The following SNX29 variants were observed in gnomAD, a reference collection of about 807,000 sequenced individuals.
The protein encoded by SNX29 is sorting nexin 29, also known as sorting nexin-29.
In SNX29, 78 loss-of-function variants were observed where a neutral mutation model predicts 102.1. That is an observed-to-expected ratio of 0.76 (90% CI 0.64 to 0.92). The LOEUF (loss-of-function observed/expected upper bound fraction) is 0.92. Among genes scored for constraint, SNX29 ranks in the 40% least tolerant of loss-of-function variants. The probability of loss-of-function intolerance (pLI) is 0.00; values close to 1 mark genes in which losing one functional copy is unlikely to be tolerated. For missense variants in SNX29, 1,280 were observed against 1,061.7 expected (o/e 1.21, Z -2.86); for synonymous variants, 580 against 414.5 (o/e 1.40, Z -4.85).
chr16:12,188,628 C>T (rs1331102179), intron 13 of SNX29, among the ~76,000 whole-genome samples: 1 of 152,128 alleles, frequency 6.6e-6, no homozygotes, highest in Non-Finnish European at 1.5e-5. Flanking sequence ...ATACAGGGGC[C>T]AGTGTGCCAT....
intron 20 of SNX29, among the ~76,000 whole-genome samples, chr16:12,533,211 G>T (rs141554407): frequency 6.6e-6 from 1 of 152,248 alleles, no homozygotes; most frequent in African/African-American, 2.4e-5. Flanking sequence ...GGCCACAGAG[G>T]ACACTTTGCT....
chr16:12,437,408 C>T (rs1253538981), intron 18 of SNX29, among the ~76,000 whole-genome samples: 1 of 152,214 alleles, frequency 6.6e-6, no homozygotes, highest in Non-Finnish European at 1.5e-5. Context: ...GTTCAGATGG[C>T]TGTGAGGCAA....
Position 12,572,901 on chromosome 16 carries a change from G to C in SNX29, c.*4272G>C, listed in dbSNP as rs1020398906. 9.7e-7 allele frequency: 1 copy of C among 1,025,932 alleles called. No homozygotes were observed. The highest frequency in any genetic ancestry group is 1.2e-6 in the Non-Finnish European group (1 of 843,976). The allele number at this position is 1,025,932 out of a possible 1,614,324, so 63.6% of individuals were successfully genotyped here. Reference sequence around the variant, plus strand: ...TGACTCTGCCTTGGCATTTCGCTCGGAATCACGGCAGACTTGGAGTGTTTC... The same window carrying C: ...TGACTCTGCCTTGGCATTTCGCTCGCAATCACGGCAGACTTGGAGTGTTTC... On this transcript the variant is annotated 3_prime_UTR_variant, in exon 21 of 21. Coordinates refer to ENST00000566228, the MANE Select transcript of SNX29 (RefSeq NM_032167.5).
intron 18 of SNX29, among the ~76,000 whole-genome samples, chr16:12,464,514 T>A (rs768384679): frequency 3.3e-5 from 5 of 152,286 alleles, no homozygotes; most frequent in Non-Finnish European, 4.4e-5. Context: ...AGTGCAGTGA[T>A]GCGATCACAG....
At chr16:12,169,816 C>G (rs961555300) in intron 13 of SNX29, among the ~76,000 whole-genome samples, 3 of 151,992 alleles carry the variant, frequency 2.0e-5, no homozygotes, top group African/African-American at 7.2e-5. Context: ...GAGCTGAGAT[C>G]ATGCCACTGC....
intron 15 of SNX29, among the ~76,000 whole-genome samples, chr16:12,331,550 C>A (rs1426025140): frequency 2.0e-5 from 3 of 152,010 alleles, no homozygotes; most frequent in Non-Finnish European, 4.4e-5. Context: ...AAGACCTGTT[C>A]CAGAATTTTT....
At chr16:12,460,219 C>T (rs370665243) in intron 18 of SNX29, among the ~76,000 whole-genome samples, 19 of 152,314 alleles carry the variant, frequency 1.2e-4, no homozygotes, top group East Asian at 5.8e-4. Context: ...CGCAGCCAGA[C>T]GCAGCCGAAC....
chr16:12,558,231 G>GT (rs2078493477), intron 20 of SNX29, among the ~76,000 whole-genome samples: 3 of 18,764 alleles, frequency 1.6e-4, no homozygotes, highest in South Asian at 1.6e-3. Flanking sequence ...CCTCTCTTCA[G>GT]CCCCCCCAGT....
At chr16:12,404,587 T>C (rs1319055858) in intron 18 of SNX29, among the ~76,000 whole-genome samples, 1 of 152,146 alleles carries the variant, frequency 6.6e-6, no homozygotes, top group East Asian at 1.9e-4. Context: ...AACCCTTGGA[T>C]TTTGTTGCCA....
intron 20 of SNX29, among the ~76,000 whole-genome samples, chr16:12,530,073 C>G (rs2076890929): frequency 6.6e-6 from 1 of 152,252 alleles, no homozygotes; most frequent in African/African-American, 2.4e-5. Context: ...ACCGTTCCAA[C>G]TACTCCCTCT....
chr16:12,188,469 G>A (rs980126803), intron 13 of SNX29, among the ~76,000 whole-genome samples: 2 of 152,204 alleles, frequency 1.3e-5, no homozygotes, highest in South Asian at 2.1e-4. Context: ...TTTTGAGTGA[G>A]GGACTGACAA....
Position 12,570,002 on chromosome 16 carries a change from T to TA in SNX29, c.*1377dup. 3.5e-6 allele frequency: 1 copy of TA among 284,974 alleles called. No individual in the cohort carries two copies. The highest frequency in any genetic ancestry group is 6.0e-6 in the Non-Finnish European group (1 of 165,698). 17.7% of individuals were successfully genotyped at this position (284,974 alleles called of 1,614,324 possible). A position where few individuals can be genotyped will look rare whatever the true frequency, so the allele number is the denominator to read the frequency against. On this transcript the variant is annotated 3_prime_UTR_variant, in exon 21 of 21. Transcript: ENST00000566228. ...CTGGAACTGCTTCAACTCAGTGGCT[T>TA]AAAATGAGAACTGCCCAGGTGAGCA...
intron 20 of SNX29, among the ~76,000 whole-genome samples, chr16:12,553,372 A>G (rs1018007533): frequency 1.3e-5 from 2 of 152,220 alleles, no homozygotes; most frequent in South Asian, 2.1e-4. Context: ...CTTGCCAGAC[A>G]TGCTCTCAAG....
chr16:12,057,839 C>A (rs2050583263), intron 8 of SNX29, among the ~76,000 whole-genome samples: 1 of 145,252 alleles, frequency 6.9e-6, no homozygotes, highest in Admixed American at 6.9e-5. Flanking sequence ...TTTTTTTGAG[C>A]TGGGTTCTCG....
intron 19 of SNX29, among the ~76,000 whole-genome samples, chr16:12,485,941 A>G (rs1206102395): frequency 6.6e-6 from 1 of 152,222 alleles, no homozygotes; most frequent in Non-Finnish European, 1.5e-5. Context: ...AATGCAAGGC[A>G]TCCTTTCTGT....
chr16:12,270,163 C>T (rs568435887), intron 14 of SNX29, among the ~76,000 whole-genome samples: 75 of 152,124 alleles, frequency 4.9e-4, no homozygotes, highest in South Asian at 2.3e-3. Context: ...CGTCCAGCCC[C>T]GTTCTTTCAG....
At chr16:12,451,822 C>T (rs1029668875) in intron 18 of SNX29, among the ~76,000 whole-genome samples, 2 of 152,208 alleles carry the variant, frequency 1.3e-5, no homozygotes, top group Admixed American at 6.5e-5. Flanking sequence ...CCAGATCGCG[C>T]CACTGCATTC....
chr16:12,137,815 G>A (rs1270383016), intron 13 of SNX29, among the ~76,000 whole-genome samples: 3 of 152,200 alleles, frequency 2.0e-5, no homozygotes, highest in Non-Finnish European at 4.4e-5. Context: ...TGAATTATGG[G>A]GAATACTGGC....
At chr16:12,438,131 G>A (rs2085621158) in intron 18 of SNX29, among the ~76,000 whole-genome samples, 1 of 152,098 alleles carries the variant, frequency 6.6e-6, no homozygotes. Context: ...GCAGGAGTGG[G>A]GAGGTGAGGG....
Sources: gnomAD v4.1 joint callset for allele counts (sites outside exome capture counted in the v4.1 genomes callset) on GRCh38, gnomAD v4.1.1 for gene constraint, MANE v1.5 for transcripts, NCBI Gene and HGNC (gene_info 2026-07-23, HGNC 2026-07-21) for gene names.